Variants in DDX10 observed in about 807,000 individuals in gnomAD.
DDX10 encodes DEAD-box helicase 10.
Under a neutral mutation model 104.3 loss-of-function variants are expected in DDX10, and 74 were observed. That is an observed-to-expected ratio of 0.71 (90% confidence interval 0.59 to 0.86). The LOEUF (loss-of-function observed/expected upper bound fraction) is 0.86, where lower values mean the gene tolerates loss of function less well. Among genes scored for constraint, DDX10 ranks in the 40% least tolerant of loss-of-function variants. The pLI, the probability that DDX10 is intolerant of heterozygous loss-of-function variation, is 0.00. For missense variants in DDX10, 952 were observed against 1,040.0 expected (o/e 0.92, Z 1.16); for synonymous variants, 351 against 353.4 (o/e 0.99, Z 0.08).
intron 16 of DDX10, among the ~76,000 whole-genome samples, chr11:108,870,836 T>C (rs1375746907): frequency 6.6e-6 from 1 of 152,220 alleles, no homozygotes; most frequent in Non-Finnish European, 1.5e-5. Flanking sequence ...CACCAGTGCC[T>C]AGACCGATAC....
At chr11:108,863,520 T>G (rs1862967493) in intron 16 of DDX10, among the ~76,000 whole-genome samples, 1 of 152,234 alleles carries the variant, frequency 6.6e-6, no homozygotes, top group South Asian at 2.1e-4. Flanking sequence ...TTTCCTTCAG[T>G]TGGAAATGAT....
At chr11:108,936,519 A>G (rs1253032200) in intron 17 of DDX10, among the ~76,000 whole-genome samples, 1 of 152,194 alleles carries the variant, frequency 6.6e-6, no homozygotes, top group Non-Finnish European at 1.5e-5. Context: ...AACAGCAAAA[A>G]GAAAATTAAA....
At chr11:108,736,953 T>G (rs543791194) in intron 13 of DDX10, among the ~76,000 whole-genome samples, 2 of 152,320 alleles carry the variant, frequency 1.3e-5, no homozygotes, top group East Asian at 3.9e-4. Flanking sequence ...TAGGCTTCTG[T>G]AGGCACATTG....
At chr11:108,893,739 A>G (rs575854805) in intron 16 of DDX10, among the ~76,000 whole-genome samples, 7 of 152,190 alleles carry the variant, frequency 4.6e-5, no homozygotes, top group African/African-American at 1.7e-4. Flanking sequence ...TCAATGATGT[A>G]TGGAAATTCT....
In DDX10 at chr11:108,862,994, A is replaced by G. The variant is rs536154371; in HGVS notation, c.2304+10785A>G. Among the ~76,000 whole-genome samples the G allele has an allele frequency of 5.9e-5, 9 of 152,374 alleles. No homozygotes were observed. In the East Asian group the frequency reaches 1.5e-3, roughly 26 times the overall value. ...ACATACAAAGCTTGAAAGATCATCT[A>G]ATAAAGAAGTGACTATCTTCCCATG... On this transcript the variant is annotated intron_variant, in intron 16 of 17. Coordinates refer to ENST00000322536, the MANE Select transcript of DDX10 (RefSeq NM_004398.4).
intron 13 of DDX10, among the ~76,000 whole-genome samples, chr11:108,838,002 C>T (rs901531414): frequency 1.3e-5 from 2 of 152,034 alleles, no homozygotes; most frequent in South Asian, 2.1e-4. Flanking sequence ...AATGTTGCAA[C>T]GTTGCAAACA....
chr11:108,683,742 C>G (rs2094238743), intron 6 of DDX10, among the ~76,000 whole-genome samples: 1 of 152,126 alleles, frequency 6.6e-6, no homozygotes, highest in South Asian at 2.1e-4. Context: ...ACTTTCATAT[C>G]AAAGAGCTTT....
At chr11:108,907,679 CAG>C (rs1483881487) in intron 16 of DDX10, among the ~76,000 whole-genome samples, 2 of 152,038 alleles carry the variant, frequency 1.3e-5, no homozygotes, top group African/African-American at 4.8e-5. Flanking sequence ...TTAGGAAGGG[CAG>C]AGATGTTTCT....
intron 1 of DDX10, among the ~76,000 whole-genome samples, chr11:108,672,092 A>G (rs540699528): frequency 6.7e-6 from 1 of 148,464 alleles, no homozygotes; most frequent in East Asian, 2.0e-4. Context: ...AAAAAGGAAT[A>G]TGGTATATAG....
chr11:108,869,465 G>A (rs574153571), intron 16 of DDX10, among the ~76,000 whole-genome samples: 1 of 152,224 alleles, frequency 6.6e-6, no homozygotes, highest in Admixed American at 6.5e-5. Context: ...AATTGTTACA[G>A]ATGTGACTGA....
intron 16 of DDX10, among the ~76,000 whole-genome samples, chr11:108,878,928 C>T (rs1471286805): frequency 6.6e-6 from 1 of 152,142 alleles, no homozygotes; most frequent in Admixed American, 6.5e-5. Flanking sequence ...TCGTTAGCTT[C>T]CATAGTGTTC....
chr11:108,937,683 TATG>T (rs1213592062), intron 17 of DDX10, among the ~76,000 whole-genome samples: 1 of 152,192 alleles, frequency 6.6e-6, no homozygotes, highest in Non-Finnish European at 1.5e-5. Flanking sequence ...TTCTCTGTTG[TATG>T]ATATGTCCTT....
At chr11:108,905,605 A>AT (rs1251486855) in intron 16 of DDX10, among the ~76,000 whole-genome samples, 1 of 151,934 alleles carries the variant, frequency 6.6e-6, no homozygotes, top group African/African-American at 2.4e-5. Flanking sequence ...CTCCTGATCT[A>AT]TTTTTTGTAG....
chr11:108,930,481 T>G (rs1863962381), intron 17 of DDX10, among the ~76,000 whole-genome samples: 1 of 152,200 alleles, frequency 6.6e-6, no homozygotes, highest in Non-Finnish European at 1.5e-5. Context: ...TGTGTGGTAA[T>G]AAGTTTTCAG....
chr11:108,726,553 T>C (rs1324260722), intron 13 of DDX10, among the ~76,000 whole-genome samples: 1 of 152,164 alleles, frequency 6.6e-6, no homozygotes, highest in Non-Finnish European at 1.5e-5. Context: ...CATTCTAAAC[T>C]GACCTGTTAG....
intron 13 of DDX10, among the ~76,000 whole-genome samples, chr11:108,735,709 T>A (rs2094317513): frequency 6.7e-6 from 1 of 149,122 alleles, no homozygotes; most frequent in South Asian, 2.1e-4. Context: ...TCAAGAACAT[T>A]AAAAAAAAAA....
chr11:108,680,057 A>C (rs1037474200), intron 6 of DDX10, among the ~76,000 whole-genome samples: 39 of 152,330 alleles, frequency 2.6e-4, no homozygotes, highest in African/African-American at 8.4e-4. Flanking sequence ...TATGGAACAC[A>C]TTTTATGAAG....
Position 108,802,733 on chromosome 11 carries a change from G to A in DDX10, c.1966-35713G>A, listed in dbSNP as rs183368821. Among the ~76,000 whole-genome samples, 9 of 152,148 alleles carry A rather than the reference G, an allele frequency of 5.9e-5. No homozygotes were observed. In the East Asian group the frequency reaches 1.5e-3, roughly 26 times the overall value. ...TGTGTACTCTTATTTTTTTCTGTGT[G>A]CTTTGTGAAAATCCCCCCTCCCTCC... On this transcript the variant is annotated intron_variant, in intron 13 of 17. Transcript: ENST00000322536.
At chr11:108,797,370 A>G (rs143254529) in intron 13 of DDX10, among the ~76,000 whole-genome samples, 1,977 of 152,320 alleles carry the variant, frequency 0.013, 20 homozygotes, top group Middle Eastern at 0.041. Flanking sequence ...GTGGTATTCA[A>G]TTACGGCAGC....
Sources: allele counts gnomAD v4.1 joint callset (sites outside exome capture counted in the v4.1 genomes callset), GRCh38; gene constraint gnomAD v4.1.1; transcripts MANE v1.5; gene names NCBI Gene and HGNC (gene_info 2026-07-23, HGNC 2026-07-21).